PLCG2: variants seen among roughly 807,000 people sequenced by gnomAD.
PLCG2 encodes the protein 1-phosphatidylinositol 4,5-bisphosphate phosphodiesterase gamma-2.
A neutral mutation model predicts 175.6 loss-of-function variants in PLCG2; 69 were observed. The ratio of observed to expected loss-of-function variants is 0.39; its 90% confidence interval spans 0.32 to 0.48. The LOEUF is 0.48. PLCG2 is among the 20% of genes least tolerant of loss of function. The pLI, the probability that PLCG2 is intolerant of heterozygous loss-of-function variation, is 0.91. For synonymous variants in PLCG2, 827 were observed against 624.0 expected (o/e 1.33, Z -4.85); for missense variants, 1,798 against 1,650.9 (o/e 1.09, Z -1.54).
chr16:81,859,540 C>CT (rs200533453), intron 5 of PLCG2, among the ~76,000 whole-genome samples: 25,432 of 148,096 alleles, frequency 0.17, 2,682 homozygotes, highest in East Asian at 0.52. Flanking sequence ...CCAGGTGGTT[C>CT]TTTTTTTTTT....
rs1193514492 is a variant in PLCG2 at position 81,939,928 on chromosome 16, A to T, written c.3350A>T (p.Gln1117Leu). 1.2e-6 allele frequency: 2 copies of T among 1,613,894 alleles called. No individual in the cohort carries two copies. Among genetic ancestry groups the T allele is most frequent in the African/African-American group, 2.7e-5 (2 of 74,924 alleles). ...NGLSPIWAPT[Q>L]EKVTFEIYDP... is the part of the protein sequence containing the mutation. ...CTCAGCCCTATCTGGGCTCCAACACAGGAGAAGGTGACATTTGAAATTTAT... is the reference window on the plus strand; with the variant it reads ...CTCAGCCCTATCTGGGCTCCAACACTGGAGAAGGTGACATTTGAAATTTAT... Residue 1117 changes from glutamine to leucine, a missense_variant, in exon 30 of 33, where the codon CAG becomes CTG. Transcript: ENST00000564138.
intron 9 of PLCG2, among the ~76,000 whole-genome samples, chr16:81,885,486 C>G (rs534340041): frequency 2.2e-4 from 34 of 152,320 alleles, no homozygotes; most frequent in African/African-American, 7.9e-4. Context: ...TTTATTTCAT[C>G]CACTTCTAAC....
chr16:81,881,097 C>A (rs1028778019), intron 8 of PLCG2, 144 bp downstream of exon 8: 128 of 748,456 alleles, frequency 1.7e-4, no homozygotes, highest in Admixed American at 4.7e-4. Flanking sequence ...AATTGGCCAT[C>A]CCATGCCTGT....
intron 2 of PLCG2, among the ~76,000 whole-genome samples, chr16:81,832,977 A>C (rs8059924): frequency 2.8e-4 from 42 of 152,296 alleles, no homozygotes; most frequent in African/African-American, 1.0e-3. Flanking sequence ...CCATGACAGT[A>C]ACTGAGGGAA....
At chr16:81,843,251 A>G (rs1341084458) in intron 2 of PLCG2, among the ~76,000 whole-genome samples, 1 of 152,148 alleles carries the variant, frequency 6.6e-6, no homozygotes, top group Non-Finnish European at 1.5e-5. Flanking sequence ...CTCCTTGACC[A>G]TCATTTGCCC....
intron 2 of PLCG2, among the ~76,000 whole-genome samples, chr16:81,808,820 A>G (rs1056622175): frequency 6.6e-6 from 1 of 152,210 alleles, no homozygotes; most frequent in African/African-American, 2.4e-5. Context: ...AGCAAGCTCC[A>G]TAGCCTCTGT....
chr16:81,804,778 A>G (rs572556699), intron 2 of PLCG2, among the ~76,000 whole-genome samples: 1 of 152,266 alleles, frequency 6.6e-6, no homozygotes, highest in East Asian at 1.9e-4. Context: ...CTCTTTGGCA[A>G]TCAGTTACCT....
rs535188613 is a variant in PLCG2 at position 81,785,841 on chromosome 16, T to C, written c.-47-102T>C. On this transcript the variant is annotated intron_variant, in intron 1 of 32. Transcript: ENST00000564138. ...TAGAACCTTCTCCTAAAACTCATCC[T>C]GATTGACATGAGACAGGATTTTGGT... is the stretch of plus-strand genomic sequence containing the variant. The C allele has an allele frequency of 2.7e-5, 19 of 698,568 alleles. No homozygotes were observed. The African/African-American group carries it at 3.2e-4, about 12-fold the overall frequency. 43.3% of individuals were successfully genotyped at this position (698,568 alleles called of 1,614,324 possible). A position where few individuals can be genotyped will look rare whatever the true frequency, so the allele number is the denominator to read the frequency against.
intron 17 of PLCG2, among the ~76,000 whole-genome samples, chr16:81,909,346 C>T (rs1037767480): frequency 6.6e-6 from 1 of 152,050 alleles, no homozygotes. Context: ...GCTCTGATGC[C>T]CTGACGTGGG....
chr16:81,803,673 C>G lies in PLCG2; in HGVS notation c.193+17491C>G, dbSNP rs1263664315. ...CCTCCCTCCCTCCCTCCCTTCCTTC[C>G]TTCCTTCCTTTTCTTTCTTTCTTTA... On this transcript the variant is annotated intron_variant, in intron 2 of 32. Coordinates refer to ENST00000564138, the MANE Select transcript of PLCG2 (RefSeq NM_002661.5). Among the ~76,000 whole-genome samples the G allele has an allele frequency of 1.7e-5, 2 of 117,600 alleles. 1 individual carries two copies. The highest frequency in any genetic ancestry group is 8.8e-3 in the Middle Eastern group (2 of 226). The allele number at this position is 117,600 out of a possible 152,430, so 77.2% of individuals were successfully genotyped here. A position where few individuals can be genotyped will look rare whatever the true frequency, so the allele number is the denominator to read the frequency against.
At position 81,959,181 on chromosome 16, in the gene PLCG2, A is replaced by G; in HGVS notation, c.*1183A>G. 8.9e-6 allele frequency: 2 copies of G among 225,894 alleles called. No individual in the cohort carries two copies. Among genetic ancestry groups the G allele is most frequent in the Non-Finnish European group, 1.8e-5 (2 of 113,440 alleles). The allele number at this position is 225,894 out of a possible 1,614,324, so 14.0% of individuals were successfully genotyped here. A position where few individuals can be genotyped will look rare whatever the true frequency, so the allele number is the denominator to read the frequency against. ...TGAGTGAATTTACAGCTGATGGGAA[A>G]AGGAGTGTAACTGTGAAAAACGATG... On this transcript the variant is annotated 3_prime_UTR_variant, in exon 33 of 33. Coordinates refer to ENST00000564138, the MANE Select transcript of PLCG2 (RefSeq NM_002661.5).
chr16:81,831,964 C>T (rs528246214), intron 2 of PLCG2, among the ~76,000 whole-genome samples: 5 of 152,186 alleles, frequency 3.3e-5, no homozygotes, highest in Admixed American at 3.3e-4. Context: ...TCCTCTTGCC[C>T]TAGCGGAAGG....
At position 81,958,253 on chromosome 16, in the gene PLCG2, C is replaced by G. The variant is rs1567550652; in HGVS notation, c.*255C>G. The G allele has an allele frequency of 1.9e-6, 1 of 515,012 alleles. No individual in the cohort carries two copies. The highest frequency in any genetic ancestry group is 3.1e-5 in the East Asian group (1 of 31,950). The allele number at this position is 515,012 out of a possible 1,614,324, so 31.9% of individuals were successfully genotyped here. On this transcript the variant is annotated 3_prime_UTR_variant, in exon 33 of 33. Transcript: ENST00000564138. ...AATGTGCTCCTCATTTTTGGCCTCT[C>G]ATGTTCCAAACCTCATTGAATAAAA...
intron 2 of PLCG2, among the ~76,000 whole-genome samples, chr16:81,830,093 G>A (rs1752565643): frequency 6.6e-6 from 1 of 152,008 alleles, no homozygotes; most frequent in South Asian, 2.1e-4. Flanking sequence ...GCTGAGGCAG[G>A]GGGATCACTT....
intron 31 of PLCG2, among the ~76,000 whole-genome samples, chr16:81,952,637 T>G (rs76646806): frequency 0.01 from 1,538 of 152,272 alleles, 10 homozygotes; most frequent in Non-Finnish European, 0.015. Context: ...TAATATCAGA[T>G]TCTAGCACAC....
At chr16:81,919,431 T>C in intron 19 of PLCG2, 53 bp from the exon 20 acceptor site, 1 of 1,462,914 alleles carries the variant, frequency 6.8e-7, no homozygotes, top group Non-Finnish European at 9.5e-7. Flanking sequence ...TGTGTAAAAA[T>C]TGTTTGGCCA....
rs926514879 is a variant in PLCG2, at chr16:81,876,632, C to G, written c.649-4278C>G. On this transcript the variant is annotated intron_variant, in intron 7 of 32. Coordinates refer to ENST00000564138, the MANE Select transcript of PLCG2 (RefSeq NM_002661.5). The stretch of plus-strand genomic sequence containing the variant: ...ATTAGTTTATCTATTATTTTAGTCA[C>G]TCATCCAGTAAATGTGTGCGTGACC... Among the ~76,000 whole-genome samples the G allele has an allele frequency of 5.3e-5, 8 of 152,292 alleles. No homozygotes were observed. In the East Asian group the frequency reaches 9.6e-4, roughly 18 times the overall value.
intron 1 of PLCG2, among the ~76,000 whole-genome samples, chr16:81,744,254 G>A (rs1164111164): frequency 2.0e-5 from 3 of 148,468 alleles, no homozygotes; most frequent in Admixed American, 6.8e-5. Flanking sequence ...TGTCAGCTCC[G>A]GCTCCTGGGT....
intron 2 of PLCG2, among the ~76,000 whole-genome samples, chr16:81,819,733 C>G (rs1180891528): frequency 6.6e-6 from 1 of 152,098 alleles, no homozygotes; most frequent in East Asian, 1.9e-4. Flanking sequence ...TACAGGTACC[C>G]ACCACCATGC....
Sources: gnomAD v4.1 joint callset for allele counts (sites outside exome capture counted in the v4.1 genomes callset) on GRCh38, gnomAD v4.1.1 for gene constraint, MANE v1.5 for transcripts, NCBI Gene and HGNC (gene_info 2026-07-23, HGNC 2026-07-21) for gene names.